LRRC4C: variants seen among roughly 807,000 people sequenced by gnomAD.
The protein encoded by LRRC4C is leucine-rich repeat-containing protein 4C.
A neutral mutation model predicts 33.6 loss-of-function variants in LRRC4C; 5 were observed. The ratio of observed to expected loss-of-function variants is 0.15; its 90% CI spans 0.08 to 0.31. The LOEUF (loss-of-function observed/expected upper bound fraction) is 0.31. Among genes scored for constraint, LRRC4C ranks in the 10% least tolerant of loss-of-function variants. LRRC4C has a pLI of 1.00. For missense variants in LRRC4C, 560 were observed against 796.7 expected (o/e 0.70, Z 3.58); for synonymous variants, 329 against 302.0 (o/e 1.09, Z -0.93).
chr11:40,297,045 ATGTT>A (rs553123149), intron 4 of LRRC4C, among the ~76,000 whole-genome samples: 2 of 152,236 alleles, frequency 1.3e-5, no homozygotes, highest in African/African-American at 2.4e-5. Context: ...ATTTCACTGT[ATGTT>A]CGTGACTATA....
In LRRC4C at chr11:41,052,316, T is replaced by C. The variant is rs555042409; in HGVS notation, c.-495-118593A>G. On this transcript the variant is annotated intron_variant, in intron 1 of 6. Transcript: ENST00000528697. ...GAAGAACTCTTGGGCTAAATTCTGA[T>C]TGCATTCAAGTCTAAAGAAAAAAAT... is the stretch of plus-strand genomic sequence containing the variant. 3.4e-4 allele frequency among the ~76,000 whole-genome samples: 52 copies of C among 152,214 alleles called. 2 individuals are homozygous for C. In the South Asian group the frequency reaches 0.01, roughly 30 times the overall value.
At chr11:40,309,180 C>T (rs981854752) in intron 4 of LRRC4C, among the ~76,000 whole-genome samples, 2 of 152,160 alleles carry the variant, frequency 1.3e-5, no homozygotes, top group Non-Finnish European at 2.9e-5. Flanking sequence ...ATTCTCAAGT[C>T]CTCACCCTGC....
chr11:40,909,140 T>A (rs1488526228), intron 2 of LRRC4C, among the ~76,000 whole-genome samples: 1 of 152,048 alleles, frequency 6.6e-6, no homozygotes, highest in Non-Finnish European at 1.5e-5. Flanking sequence ...GGGTAGGGGT[T>A]GGAAATAATT....
At chr11:40,553,189 T>C (rs1957194213) in intron 3 of LRRC4C, among the ~76,000 whole-genome samples, 1 of 152,036 alleles carries the variant, frequency 6.6e-6, no homozygotes, top group South Asian at 2.1e-4. Flanking sequence ...GGAGAATTGC[T>C]TGAACCCAGG....
At chr11:40,841,775 T>C (rs1411369828) in intron 2 of LRRC4C, among the ~76,000 whole-genome samples, 1 of 152,140 alleles carries the variant, frequency 6.6e-6, no homozygotes, top group Non-Finnish European at 1.5e-5. Context: ...AGAAAACGCA[T>C]TTTTCTTTTT....
chr11:40,489,419 G>A (rs1017136419), intron 3 of LRRC4C, among the ~76,000 whole-genome samples: 4 of 151,848 alleles, frequency 2.6e-5, no homozygotes, highest in Non-Finnish European at 5.9e-5. Context: ...TCACCTACAC[G>A]CATACTCACA....
At chr11:40,547,757 C>T (rs910625638) in intron 3 of LRRC4C, among the ~76,000 whole-genome samples, 1 of 152,014 alleles carries the variant, frequency 6.6e-6, no homozygotes, top group Non-Finnish European at 1.5e-5. Context: ...GTTGGGTGCT[C>T]TCACCTACTG....
At chr11:40,858,100 A>C (rs1591910068) in intron 2 of LRRC4C, among the ~76,000 whole-genome samples, 1 of 152,196 alleles carries the variant, frequency 6.6e-6, no homozygotes, top group East Asian at 1.9e-4. Context: ...CTGCCCAATA[A>C]ATTAAATTAA....
At chr11:41,091,148 A>G (rs940813103) in intron 1 of LRRC4C, among the ~76,000 whole-genome samples, 2 of 152,010 alleles carry the variant, frequency 1.3e-5, no homozygotes, top group Non-Finnish European at 2.9e-5. Flanking sequence ...TCTATGTAAT[A>G]CTATTATTAC....
At chr11:41,420,988 G>A (rs1255018437) in intron 1 of LRRC4C, among the ~76,000 whole-genome samples, 1 of 151,956 alleles carries the variant, frequency 6.6e-6, no homozygotes, top group Non-Finnish European at 1.5e-5. Context: ...TAATGTAATA[G>A]TTATGAATGA....
intron 3 of LRRC4C, among the ~76,000 whole-genome samples, chr11:40,344,341 T>C (rs1470992794): frequency 6.6e-6 from 1 of 152,026 alleles, no homozygotes; most frequent in African/African-American, 2.4e-5. Context: ...GCAAGGTTGG[T>C]TCAACATATA....
chr11:40,388,514 A>AG (rs1457519665), intron 3 of LRRC4C, among the ~76,000 whole-genome samples: 2 of 152,168 alleles, frequency 1.3e-5, no homozygotes. Flanking sequence ...TTGGAATTAC[A>AG]GGGGATGCTA....
At chr11:41,377,074 T>C (rs936896880) in intron 1 of LRRC4C, among the ~76,000 whole-genome samples, 3 of 152,216 alleles carry the variant, frequency 2.0e-5, no homozygotes, top group Admixed American at 1.3e-4. Flanking sequence ...TCATATGATA[T>C]ATGCAGTTAT....
At chr11:40,225,319 A>C (rs2135958226) in intron 5 of LRRC4C, among the ~76,000 whole-genome samples, 1 of 152,316 alleles carries the variant, frequency 6.6e-6, no homozygotes, top group South Asian at 2.1e-4. Flanking sequence ...AAAAATTTTA[A>C]AAAAATAAAA....
rs1019702477 is a variant in LRRC4C at position 40,491,220 on chromosome 11, G to T, written c.-270+156922C>A. ...AAATCGTTTGAACCCAGGAGGCAAAGGTTGCAGTGAGCTGAGATTGCACCA... is the reference window on the plus strand; with the variant it reads ...AAATCGTTTGAACCCAGGAGGCAAATGTTGCAGTGAGCTGAGATTGCACCA... On this transcript the variant is annotated intron_variant, in intron 3 of 6. Coordinates refer to ENST00000528697, the MANE Select transcript of LRRC4C (RefSeq NM_001258419.2). Among the ~76,000 whole-genome samples the T allele has an allele frequency of 3.9e-5, 6 of 152,128 alleles. No individual in the cohort carries two copies. The East Asian group carries it at 5.8e-4, about 15-fold the overall frequency.
intron 1 of LRRC4C, among the ~76,000 whole-genome samples, chr11:41,277,999 A>G (rs1949537901): frequency 6.6e-6 from 1 of 152,154 alleles, no homozygotes; most frequent in Non-Finnish European, 1.5e-5. Context: ...TCATAGCAGT[A>G]GAGAGTACAA....
At chr11:41,430,812 A>AT (rs1230575669) in intron 1 of LRRC4C, among the ~76,000 whole-genome samples, 2 of 151,870 alleles carry the variant, frequency 1.3e-5, no homozygotes, top group East Asian at 3.9e-4. Context: ...ATATATCTTT[A>AT]TTTTCTCATG....
At chr11:40,701,168 T>C (rs897926476) in intron 2 of LRRC4C, among the ~76,000 whole-genome samples, 3 of 152,186 alleles carry the variant, frequency 2.0e-5, no homozygotes, top group Non-Finnish European at 4.4e-5. Context: ...GAACAGCTTC[T>C]GTTTCAAGGA....
chr11:41,103,424 G>C (rs573248792), intron 1 of LRRC4C, among the ~76,000 whole-genome samples: 8 of 151,476 alleles, frequency 5.3e-5, no homozygotes, highest in African/African-American at 2.0e-4. Flanking sequence ...AGCATATATG[G>C]ATTGATATTA....
Sources: gnomAD v4.1 joint callset for allele counts (sites outside exome capture counted in the v4.1 genomes callset) on GRCh38, gnomAD v4.1.1 for gene constraint, MANE v1.5 for transcripts, NCBI Gene and HGNC (gene_info 2026-07-23, HGNC 2026-07-21) for gene names.